The following SLC25A42 variants were observed in gnomAD, a reference collection of about 807,000 sequenced individuals.
The protein encoded by SLC25A42 is solute carrier family 25 member 42.
Under a neutral mutation model 34.7 loss-of-function variants are expected in SLC25A42, and 19 were observed. That is an observed-to-expected ratio of 0.55 (90% CI 0.38 to 0.80). The LOEUF (loss-of-function observed/expected upper bound fraction) is 0.80. Among genes scored for constraint, SLC25A42 ranks in the 30% least tolerant of loss-of-function variants. SLC25A42 has a pLI of 0.00. For missense variants in SLC25A42, 364 were observed against 441.3 expected (o/e 0.82, Z 1.57); for synonymous variants, 205 against 191.2 (o/e 1.07, Z -0.59).
At chr19:19,100,361 C>T (rs922547069) in intron 2 of SLC25A42, among the ~76,000 whole-genome samples, 42 of 151,998 alleles carry the variant, frequency 2.8e-4, no homozygotes, top group African/African-American at 1.0e-3. Flanking sequence ...ATAAAAATAA[C>T]CCATTTATTT....
intron 7 of SLC25A42, 65 bp downstream of exon 7, chr19:19,108,110 A>C: frequency 2.5e-5 from 37 of 1,506,650 alleles, no homozygotes; most frequent in Middle Eastern, 1.9e-4. Context: ...CAGCAGCTCC[A>C]CCTGGGTCAC....
Position 19,112,317 on chromosome 19 carries a change from G to C in SLC25A42, c.*1441G>C, listed in dbSNP as rs1359997005. The C allele has an allele frequency of 1.3e-5, 2 of 152,562 alleles. No homozygotes were observed. Among genetic ancestry groups the C allele is most frequent in the Admixed American group, 1.3e-4 (2 of 15,278 alleles). The allele number at this position is 152,562 out of a possible 1,614,324, so 9.5% of individuals were successfully genotyped here. ...CTCCTGTTCTTGCCTTGGACCTGCA[G>C]GTGTGCAGACCGCTCTCTCTGCCTT... On this transcript the variant is annotated 3_prime_UTR_variant, in exon 8 of 8. Transcript: ENST00000318596. The surrounding 1 kb of genome is among the most constrained non-coding windows in gnomAD (Gnocchi z 4.3).
chr19:19,086,685 G>C (rs1408202265), intron 1 of SLC25A42, among the ~76,000 whole-genome samples: 2 of 151,962 alleles, frequency 1.3e-5, no homozygotes, highest in Non-Finnish European at 2.9e-5. Flanking sequence ...CTCTCACCCA[G>C]GCTGGAGTGC....
chr19:19,110,774 CA>C lies in SLC25A42; in HGVS notation c.858del (p.Gly287AlafsTer2). On this transcript the variant is annotated frameshift_variant, in exon 8 of 8. Transcript: ENST00000318596. LOFTEE classifies it high-confidence loss of function. ...AGGAGGGCGCCGTGCGCGGCCTCTA[CA>C]AAGGCTTGAGCATGAACTGGGTCAA... ...REEGAVRGLY[K>X]GLSMNWVKGP... The C allele has an allele frequency of 6.2e-7, 1 of 1,613,666 alleles. No homozygotes were observed. Among genetic ancestry groups the C allele is most frequent in the South Asian group, 1.1e-5 (1 of 91,084 alleles).
chr19:19,092,270 G>A (rs2059742031), intron 1 of SLC25A42, among the ~76,000 whole-genome samples: 1 of 152,170 alleles, frequency 6.6e-6, no homozygotes, highest in African/African-American at 2.4e-5. Context: ...CACAGGTTCT[G>A]GGGGCAGGGT....
chr19:19,072,797 A>G (rs1201510533), intron 1 of SLC25A42, among the ~76,000 whole-genome samples: 3 of 151,352 alleles, frequency 2.0e-5, no homozygotes, highest in African/African-American at 7.3e-5. Flanking sequence ...TCCCACCTCA[A>G]CCTCCTGAGT....
In SLC25A42 at chr19:19,109,643, G is replaced by T. The variant is rs767297524; in HGVS notation, c.650-926G>T. ...AGACAGGGTTTCTCCATGTTGGCCAGGCTGGTCTCCAATTCCTGGGCTCAA... is the reference window on the plus strand; with the variant it reads ...AGACAGGGTTTCTCCATGTTGGCCATGCTGGTCTCCAATTCCTGGGCTCAA... On this transcript the variant is annotated intron_variant, in intron 7 of 7. Coordinates refer to ENST00000318596, the MANE Select transcript of SLC25A42 (RefSeq NM_178526.5). The surrounding 1 kb of genome is among the most constrained non-coding windows in gnomAD (Gnocchi z 4.1). Among the ~76,000 whole-genome samples, 21 of 152,082 alleles carry T rather than the reference G, an allele frequency of 1.4e-4. No homozygotes were observed. The highest frequency in any genetic ancestry group is 2.6e-4 in the Non-Finnish European group (18 of 68,008).
intron 1 of SLC25A42, among the ~76,000 whole-genome samples, chr19:19,095,728 G>A (rs548815146): frequency 3.9e-5 from 6 of 152,210 alleles, no homozygotes; most frequent in East Asian, 3.9e-4. Flanking sequence ...CGAGCACCTC[G>A]GTGCCCACTG....
intron 4 of SLC25A42, 113 bp downstream of exon 4, chr19:19,105,051 C>A: frequency 7.9e-7 from 1 of 1,266,328 alleles, no homozygotes. Flanking sequence ...ACAGGACTAC[C>A]TGTCTTCCCA....
Position 19,081,284 on chromosome 19 carries a change from A to G in SLC25A42, c.-34-14807A>G, listed in dbSNP as rs1451949484. Reference sequence around the variant, plus strand: ...GGTGACTTTCCAGCACTGGACCCATAAGGAACCACAGGGACCACCACTATG... The same window carrying G: ...GGTGACTTTCCAGCACTGGACCCATGAGGAACCACAGGGACCACCACTATG... On this transcript the variant is annotated intron_variant, in intron 1 of 7. Transcript: ENST00000318596. The surrounding 1 kb of genome is among the most constrained non-coding windows in gnomAD (Gnocchi z 4.5). 2.0e-5 allele frequency among the ~76,000 whole-genome samples: 3 copies of G among 152,198 alleles called. No individual in the cohort carries two copies. In the East Asian group the frequency reaches 5.8e-4, roughly 29 times the overall value.
intron 1 of SLC25A42, among the ~76,000 whole-genome samples, chr19:19,091,208 G>A (rs1361993516): frequency 6.6e-6 from 1 of 152,214 alleles, no homozygotes; most frequent in East Asian, 1.9e-4. Flanking sequence ...TGTAATCCCA[G>A]CACTTTAGGA....
intron 1 of SLC25A42, among the ~76,000 whole-genome samples, chr19:19,071,193 G>A (rs2059628485): frequency 1.3e-5 from 2 of 151,926 alleles, no homozygotes; most frequent in African/African-American, 2.4e-5. Context: ...TTTTTGTAGA[G>A]ACAGGGTTTC....
intron 1 of SLC25A42, among the ~76,000 whole-genome samples, chr19:19,065,320 C>T (rs762666158): frequency 6.6e-6 from 1 of 152,110 alleles, no homozygotes. Flanking sequence ...TCCGACACTC[C>T]CTGGGCCCTT....
chr19:19,105,570 C>G lies in SLC25A42; in HGVS notation c.223C>G (p.Arg75Gly). ...SKRFSAKEAF[R>G]VLYYTYLNEG... ...TCCCGCTTATCTCCAGGAGGCCTTC[C>G]GGGTCCTCTACTACACCTACCTCAA... The change falls in exon 5 of 8, where the codon CGG (arginine) becomes GGG (glycine). Residue 75 changes from arginine to glycine, a missense_variant. Transcript: ENST00000318596. 6.2e-7 allele frequency: 1 copy of G among 1,611,982 alleles called. No individual in the cohort carries two copies. Among genetic ancestry groups the G allele is most frequent in the Non-Finnish European group, 8.5e-7 (1 of 1,178,466 alleles).
At chr19:19,107,470 A>G (rs1212648685) in intron 6 of SLC25A42, among the ~76,000 whole-genome samples, 1 of 152,092 alleles carries the variant, frequency 6.6e-6, no homozygotes, top group Non-Finnish European at 1.5e-5. Context: ...TATTTCTACT[A>G]AAAATAAAAA....
At position 19,101,487 on chromosome 19, in the gene SLC25A42, T is replaced by G. The variant is rs570799561; in HGVS notation, c.82-294T>G. ...ACAGGCTGTGGAGGGAACTGAAGTTTGCACGTGGGCCAGTCCTATTGTGAG... is the reference window on the plus strand; with the variant it reads ...ACAGGCTGTGGAGGGAACTGAAGTTGGCACGTGGGCCAGTCCTATTGTGAG... On this transcript the variant is annotated intron_variant, in intron 2 of 7. Coordinates refer to ENST00000318596, the MANE Select transcript of SLC25A42 (RefSeq NM_178526.5). Among the ~76,000 whole-genome samples the G allele has an allele frequency of 2.8e-4, 43 of 152,298 alleles. 1 individual carries two copies. Among genetic ancestry groups the G allele is most frequent in the South Asian group, 1.9e-3 (9 of 4,826 alleles).
chr19:19,068,837 C>CAAAT (rs111792120), intron 1 of SLC25A42, among the ~76,000 whole-genome samples: 36,591 of 137,386 alleles, frequency 0.27, 5,345 homozygotes, highest in Middle Eastern at 0.31. Context: ...CACTCAGTCT[C>CAAAT]AAATAAATAA....
chr19:19,068,218 A>G (rs2059611897), intron 1 of SLC25A42, among the ~76,000 whole-genome samples: 1 of 151,732 alleles, frequency 6.6e-6, no homozygotes, highest in South Asian at 2.1e-4. Context: ...AGCCAGGCGT[A>G]GTGGCATGCG....
intron 3 of SLC25A42, 127 bp from the exon 4 acceptor site, chr19:19,104,786 C>T (rs972007264): frequency 7.8e-6 from 8 of 1,025,424 alleles, no homozygotes; most frequent in Non-Finnish European, 1.2e-5. Flanking sequence ...GCTCAGCTCC[C>T]ATTCCTGGGA....
Sources: gnomAD v4.1 joint callset for allele counts (sites outside exome capture counted in the v4.1 genomes callset) on GRCh38, gnomAD v4.1.1 for gene constraint, Gnocchi (gnomAD v3.1) non-coding constraint, MANE v1.5 for transcripts, NCBI Gene and HGNC (gene_info 2026-07-23, HGNC 2026-07-21) for gene names.